Variants in DRC11 observed in about 807,000 individuals in gnomAD.
DRC11 encodes the protein dynein regulatory complex subunit 11.
At chr2:236,408,780 C>G in the DRC11 span, 3 of 671,124 alleles carry the variant, frequency 4.5e-6, no homozygotes, top group South Asian at 3.2e-5. The surrounding 1 kb of genome is among the most constrained non-coding windows in gnomAD (Gnocchi z 5.5). Context: ...GGTCTGGAGG[C>G]CTTGAGGTTT....
the DRC11 span, among the ~76,000 whole-genome samples, chr2:236,451,662 G>A: frequency 1.3e-5 from 2 of 152,132 alleles, no homozygotes; most frequent in Non-Finnish European, 2.9e-5. Flanking sequence ...GGAGCCCACT[G>A]GCCAAGGACG....
the DRC11 span, among the ~76,000 whole-genome samples, chr2:236,421,755 A>C: frequency 6.6e-6 from 1 of 151,920 alleles, no homozygotes; most frequent in African/African-American, 2.4e-5. Flanking sequence ...GAGACACAAC[A>C]AAAAAAGAGA....
the DRC11 span, chr2:236,497,123 CAAA>C: frequency 0.073 from 108,165 of 1,474,266 alleles, 19,772 homozygotes; most frequent in African/African-American, 0.64. The surrounding 1 kb of genome is among the most constrained non-coding windows in gnomAD (Gnocchi z 5.1). Flanking sequence ...TTATTTATAA[CAAA>C]AAAAAGCAAC....
At chr2:236,338,845 A>C in the DRC11 span, among the ~76,000 whole-genome samples, 16 of 152,232 alleles carry the variant, frequency 1.1e-4, no homozygotes, top group Admixed American at 3.3e-4. Context: ...TGTGAAACTT[A>C]TCTCTCTGAA....
chr2:236,491,059 TAC>T, the DRC11 span, among the ~76,000 whole-genome samples: 3 of 138,220 alleles, frequency 2.2e-5, no homozygotes, highest in South Asian at 6.6e-4. Context: ...TATATATATA[TAC>T]ACACAGTATA....
the DRC11 span, among the ~76,000 whole-genome samples, chr2:236,437,809 T>A: frequency 1.3e-5 from 2 of 151,160 alleles, no homozygotes; most frequent in Non-Finnish European, 2.9e-5. Context: ...TTCTTGTAAA[T>A]TTGTTTGAGT....
chr2:236,380,582 G>A, the DRC11 span: 1 of 1,551,510 alleles, frequency 6.4e-7, no homozygotes, highest in Non-Finnish European at 8.7e-7. The surrounding 1 kb of genome is among the most constrained non-coding windows in gnomAD (Gnocchi z 4.9). Flanking sequence ...TCAGCTGTCA[G>A]ATCTTTATCC....
At chr2:236,331,490 C>T in the DRC11 span, 33 of 1,613,972 alleles carry the variant, frequency 2.0e-5, no homozygotes, top group East Asian at 4.5e-5. This position sits in a 1 kb window ranked among gnomAD's most constrained non-coding sequence, Gnocchi z 4.8. Context: ...TTAACCACTT[C>T]GACTATATGT....
chr2:236,414,657 C>T, the DRC11 span, among the ~76,000 whole-genome samples: 4 of 151,976 alleles, frequency 2.6e-5, no homozygotes, highest in African/African-American at 9.7e-5. Flanking sequence ...TTCCACTAGC[C>T]CTGAGCTGAA....
chr2:236,416,709 ATATATATATATT>A, the DRC11 span, among the ~76,000 whole-genome samples: 144 of 87,074 alleles, frequency 1.7e-3, 6 homozygotes, highest in Admixed American at 2.2e-3. Flanking sequence ...ATTTATTTAC[ATATATATATATT>A]TATATATATA....
At chr2:236,424,462 A>G in the DRC11 span, among the ~76,000 whole-genome samples, 1 of 152,190 alleles carries the variant, frequency 6.6e-6, no homozygotes, top group Non-Finnish European at 1.5e-5. Flanking sequence ...ATACAGTGAA[A>G]GGTTTCCTCC....
chr2:236,426,812 C>G, the DRC11 span, among the ~76,000 whole-genome samples: 7 of 152,150 alleles, frequency 4.6e-5, no homozygotes, highest in Non-Finnish European at 1.0e-4. The surrounding 1 kb of genome is among the most constrained non-coding windows in gnomAD (Gnocchi z 4.1). Flanking sequence ...CTGGCTAGGA[C>G]TTCTGTACTA....
the DRC11 span, among the ~76,000 whole-genome samples, chr2:236,358,416 AT>A: frequency 1.6e-4 from 23 of 139,474 alleles, no homozygotes; most frequent in African/African-American, 2.4e-4. Context: ...AATATATATG[AT>A]ATATGAATAT....
At chr2:236,493,155 G>C in the DRC11 span, among the ~76,000 whole-genome samples, 2 of 152,158 alleles carry the variant, frequency 1.3e-5, no homozygotes, top group Admixed American at 1.3e-4. Flanking sequence ...AAGACAGTTT[G>C]TGCAGGGAAA....
At chr2:236,464,180 C>T in the DRC11 span, among the ~76,000 whole-genome samples, 1 of 152,230 alleles carries the variant, frequency 6.6e-6, no homozygotes, top group African/African-American at 2.4e-5. Flanking sequence ...ATAGCTCACA[C>T]TTCAGGGGAG....
At chr2:236,392,819 A>C in the DRC11 span, among the ~76,000 whole-genome samples, 1 of 152,330 alleles carries the variant, frequency 6.6e-6, no homozygotes, top group African/African-American at 2.4e-5. The surrounding 1 kb of genome is among the most constrained non-coding windows in gnomAD (Gnocchi z 5.1). Flanking sequence ...AAAACAGACA[A>C]CACTAAACAC....
At chr2:236,352,213 G>A in the DRC11 span, among the ~76,000 whole-genome samples, 59 of 152,212 alleles carry the variant, frequency 3.9e-4, no homozygotes, top group African/African-American at 1.1e-3. The surrounding 1 kb of genome is among the most constrained non-coding windows in gnomAD (Gnocchi z 7.0). Context: ...GGCGGCCAGC[G>A]GTGGCCTGTG....
chr2:236,416,668 G>A, the DRC11 span, among the ~76,000 whole-genome samples: 29,599 of 141,004 alleles, frequency 0.21, 3,341 homozygotes, highest in Middle Eastern at 0.31. Flanking sequence ...AGTCATGCCC[G>A]GAGCTTTGAA....
At chr2:236,324,713 G>T in the DRC11 span, 1 of 1,597,266 alleles carries the variant, frequency 6.3e-7, no homozygotes, top group Admixed American at 1.7e-5. The surrounding 1 kb of genome is among the most constrained non-coding windows in gnomAD (Gnocchi z 5.7). Flanking sequence ...TTTGTCCTTT[G>T]CCTTTTCTGT....
Sources: allele counts gnomAD v4.1 joint callset (sites outside exome capture counted in the v4.1 genomes callset), GRCh38; gene constraint gnomAD v4.1.1; non-coding constraint Gnocchi (gnomAD v3.1); transcripts MANE v1.5; gene names NCBI Gene and HGNC (gene_info 2026-07-23, HGNC 2026-07-21).